Variants in EXOSC10 observed in about 807,000 individuals in gnomAD.
The protein encoded by EXOSC10 is exosome component 10.
EXOSC10 carries 94 observed loss-of-function variants against 126.6 expected under a neutral mutation model. The ratio of observed to expected loss-of-function variants is 0.74; its 90% confidence interval spans 0.63 to 0.88. EXOSC10 has a LOEUF of 0.88. Ranked by LOEUF, EXOSC10 falls within the 40% of genes least tolerant of loss-of-function variation. The probability of loss-of-function intolerance (pLI) is 0.00; values close to 1 mark genes in which losing one functional copy is unlikely to be tolerated. For synonymous variants in EXOSC10, 395 were observed against 400.8 expected (o/e 0.99, Z 0.17); for missense variants, 1,041 against 1,100.5 (o/e 0.95, Z 0.77).
rs1557694580 is a variant in EXOSC10 at position 11,072,076 on chromosome 1, G to GT, written c.2242+10dup. The GT allele has an allele frequency of 6.2e-7, 1 of 1,607,262 alleles. No individual in the cohort carries two copies. The highest frequency in any genetic ancestry group is 2.2e-5 in the East Asian group (1 of 44,836). ...TAACAGCCGACTGAGTTGCAAGGAA[G>GT]TGAGTGTTACCTGTTTGCTCAGCTG... On this transcript the variant is annotated intron_variant, in intron 20 of 24. Coordinates refer to ENST00000376936, the MANE Select transcript of EXOSC10 (RefSeq NM_001001998.3).
chr1:11,078,418 T>C (rs113557069), intron 14 of EXOSC10, among the ~76,000 whole-genome samples: 10,318 of 150,922 alleles, frequency 0.068, 566 homozygotes, highest in East Asian at 0.15. Context: ...CCACTACGCC[T>C]GGCTAATTTT....
chr1:11,073,615 C>T (rs908605201), intron 19 of EXOSC10, among the ~76,000 whole-genome samples: 1 of 151,932 alleles, frequency 6.6e-6, no homozygotes. Flanking sequence ...TAGGGCCAGG[C>T]GCAGTAGCTC....
chr1:11,095,893 A>G lies in EXOSC10; in HGVS notation c.249-12T>C, dbSNP rs1351380492. 3 of 1,608,020 alleles carry G rather than the reference A, an allele frequency of 1.9e-6. No individual in the cohort carries two copies. Among genetic ancestry groups the G allele is most frequent in the Non-Finnish European group, 2.6e-6 (3 of 1,176,184 alleles). On this transcript the variant is annotated splice_polypyrimidine_tract_variant and intron_variant, in intron 2 of 24. Coordinates refer to ENST00000376936, the MANE Select transcript of EXOSC10 (RefSeq NM_001001998.3). ...TTACTCTGCTCATGCTAAGGAAAGG[A>G]AAACCAAGGTTAGCTTGTAGATTTT...
chr1:11,067,197 C>T (rs531844963), intron 24 of EXOSC10, among the ~76,000 whole-genome samples: 9 of 152,164 alleles, frequency 5.9e-5, no homozygotes, highest in African/African-American at 1.7e-4. Context: ...TGTGGGAGGC[C>T]GAGGCGGGCG....
intron 22 of EXOSC10, chr1:11,068,959 C>A: frequency 1.8e-6 from 1 of 545,850 alleles, no homozygotes; most frequent in Non-Finnish European, 3.3e-6. Context: ...GTGGCTACAG[C>A]AGTGGCCCCC....
chr1:11,073,957 C>A lies in EXOSC10; in HGVS notation c.2134G>T (p.Asp712Tyr), dbSNP rs761215129. Residue 712 changes from aspartate to tyrosine, a missense_variant, in exon 19 of 25, where the codon GAT becomes TAT. This residue lies in a region of EXOSC10 where 388 missense variants were observed against 415.2 expected (regional missense o/e 0.93). Coordinates refer to ENST00000376936, the MANE Select transcript of EXOSC10 (RefSeq NM_001001998.3). ...RAPVSQAAKF[D>Y]PSTKIYEISN... is the part of the protein sequence containing the mutation. Reference sequence around the variant, plus strand: ...ACTTCATAGATTTTGGTTGATGGATCGAACTTCGCTGCCTGAGAGACGGGA... The same window carrying A: ...ACTTCATAGATTTTGGTTGATGGATAGAACTTCGCTGCCTGAGAGACGGGA... 1.2e-6 allele frequency: 2 copies of A among 1,610,546 alleles called. No homozygotes were observed. The highest frequency in any genetic ancestry group is 1.1e-5 in the South Asian group (1 of 90,966).
intron 3 of EXOSC10, among the ~76,000 whole-genome samples, chr1:11,092,466 A>G (rs78962329): frequency 0.077 from 10,923 of 142,334 alleles, 616 homozygotes; most frequent in East Asian, 0.16. Context: ...GCCTGCCTCG[A>G]CCTCCCAAAG....
At chr1:11,098,606 T>A (rs994069155) in intron 1 of EXOSC10, among the ~76,000 whole-genome samples, 1 of 152,234 alleles carries the variant, frequency 6.6e-6, no homozygotes, top group African/African-American at 2.4e-5. Flanking sequence ...GCGTTATTAT[T>A]ACGACTCAAG....
At chr1:11,067,733 G>A (rs974253220) in intron 24 of EXOSC10, among the ~76,000 whole-genome samples, 1 of 152,124 alleles carries the variant, frequency 6.6e-6, no homozygotes, top group Non-Finnish European at 1.5e-5. Context: ...TCCCTGAGGT[G>A]ACCCCAGGAC....
chr1:11,093,656 C>T (rs61773688), intron 3 of EXOSC10, among the ~76,000 whole-genome samples: 1 of 152,188 alleles, frequency 6.6e-6, no homozygotes, highest in African/African-American at 2.4e-5. Flanking sequence ...GAATAATACA[C>T]ATCTCCTTCC....
intron 17 of EXOSC10, among the ~76,000 whole-genome samples, chr1:11,075,934 G>C (rs1328892821): frequency 1.3e-5 from 2 of 150,638 alleles, no homozygotes; most frequent in Non-Finnish European, 2.9e-5. Context: ...GGGAGGCTTA[G>C]GTGGGTGGAT....
intron 5 of EXOSC10, 92 bp downstream of exon 5, chr1:11,090,922 C>A: frequency 1.5e-6 from 2 of 1,344,730 alleles, no homozygotes; most frequent in South Asian, 2.8e-5. Context: ...GGTGGGCTCC[C>A]TTTGAACAAA....
intron 6 of EXOSC10, among the ~76,000 whole-genome samples, chr1:11,090,309 C>T (rs961852473): frequency 6.6e-6 from 1 of 152,084 alleles, no homozygotes; most frequent in Admixed American, 6.6e-5. Context: ...TCGTGTTTTA[C>T]ATCTATAAAA....
chr1:11,069,156 C>G (rs1383697228), intron 22 of EXOSC10, among the ~76,000 whole-genome samples: 1 of 151,946 alleles, frequency 6.6e-6, no homozygotes, highest in East Asian at 1.9e-4. Flanking sequence ...TCAAAGCAGA[C>G]GGACTCTCAC....
rs770816889 is a variant in EXOSC10 at position 11,081,067 on chromosome 1, G to A, written c.1437+15C>T. 6.2e-7 allele frequency: 1 copy of A among 1,613,646 alleles called. No individual in the cohort carries two copies. Among genetic ancestry groups the A allele is most frequent in the Non-Finnish European group, 8.5e-7 (1 of 1,179,724 alleles). On this transcript the variant is annotated intron_variant, in intron 11 of 24. Coordinates refer to ENST00000376936, the MANE Select transcript of EXOSC10 (RefSeq NM_001001998.3). ...CCCAAGTGTCGCGGTCTGTGTGACT[G>A]CGGCTGAGGTGTACCTTGAGGCAGA... is the stretch of plus-strand genomic sequence containing the variant.
intron 4 of EXOSC10, 44 bp downstream of exon 4, chr1:11,091,449 T>A (rs762906759): frequency 6.6e-7 from 1 of 1,517,102 alleles, no homozygotes; most frequent in African/African-American, 1.4e-5. Flanking sequence ...ATCTCTGTTA[T>A]GAAGCTGACA....
chr1:11,093,995 G>A (rs534342657), intron 3 of EXOSC10, among the ~76,000 whole-genome samples: 10 of 152,018 alleles, frequency 6.6e-5, no homozygotes, highest in African/African-American at 1.9e-4. Context: ...TGGGAGGATC[G>A]CTTGAGCCCA....
In EXOSC10 at chr1:11,083,147, C is replaced by G. The variant is rs377454121; in HGVS notation, c.1090-269G>C. ...TATTTTTTGTAGAGACGGGGTTTCA[C>G]TATGTTCCCCAGGCTGGTCTCAATC... On this transcript the variant is annotated intron_variant, in intron 9 of 24. Coordinates refer to ENST00000376936, the MANE Select transcript of EXOSC10 (RefSeq NM_001001998.3). Among the ~76,000 whole-genome samples, 27 of 152,302 alleles carry G rather than the reference C, an allele frequency of 1.8e-4. No homozygotes were observed. The East Asian group carries it at 3.9e-3, about 22-fold the overall frequency.
chr1:11,091,707 G>A, intron 3 of EXOSC10, 110 bp from the exon 4 acceptor site: 2 of 788,290 alleles, frequency 2.5e-6, no homozygotes, highest in Non-Finnish European at 4.1e-6. Flanking sequence ...CACCCAGGCT[G>A]GAGTGCAGTG....
Sources: allele counts gnomAD v4.1 joint callset (sites outside exome capture counted in the v4.1 genomes callset), GRCh38; gene constraint gnomAD v4.1.1; regional missense constraint gnomAD v4.1.1; transcripts MANE v1.5; gene names NCBI Gene and HGNC (gene_info 2026-07-23, HGNC 2026-07-21).